Variants in PRMT2 observed in about 807,000 individuals in gnomAD.
PRMT2 encodes the protein protein arginine N-methyltransferase 2.
Under a neutral mutation model 57.6 loss-of-function variants are expected in PRMT2, and 26 were observed. The ratio of observed to expected loss-of-function variants is 0.45; its 90% CI spans 0.33 to 0.63. The LOEUF is 0.63. PRMT2 is among the 20% of genes least tolerant of loss of function. PRMT2 has a pLI of 0.02. For synonymous variants in PRMT2, 219 were observed against 220.0 expected, an observed-to-expected ratio of 1.00 and a Z score of 0.04; for missense variants, 472 against 564.4, an observed-to-expected ratio of 0.84 and a Z score of 1.66.
chr21:46,652,061 TAGG>T (rs2071663460), intron 7 of PRMT2: 8 of 1,604,338 alleles, frequency 5.0e-6, no homozygotes, highest in Non-Finnish European at 6.8e-6. Flanking sequence ...GCGTTTAGCA[TAGG>T]AGGGGCAGCT....
intron 3 of PRMT2, among the ~76,000 whole-genome samples, chr21:46,637,617 C>G (rs1464764523): frequency 2.0e-5 from 3 of 151,734 alleles, no homozygotes; most frequent in Non-Finnish European, 2.9e-5. Context: ...TCGTTAATTT[C>G]TTTAATTATT....
Position 46,648,012 on chromosome 21 carries a change from A to C in PRMT2, c.328-446A>C, listed in dbSNP as rs2061391063. On this transcript the variant is annotated intron_variant, in intron 5 of 11. Coordinates refer to ENST00000355680, the MANE Select transcript of PRMT2 (RefSeq NM_206962.4). The surrounding 1 kb of genome is among the most constrained non-coding windows in gnomAD (Gnocchi z 4.8). Reference sequence around the variant, plus strand: ...TTTTCCTCATTAGCCTTGGGCACTTACTGTTTTGAAACTAATTTTATTATC... The same window carrying C: ...TTTTCCTCATTAGCCTTGGGCACTTCCTGTTTTGAAACTAATTTTATTATC... 6.6e-6 allele frequency among the ~76,000 whole-genome samples: 1 copy of C among 151,664 alleles called. No individual in the cohort carries two copies. The highest frequency in any genetic ancestry group is 6.6e-5 in the Admixed American group (1 of 15,232).
chr21:46,662,685 G>C (rs2061648740), intron 10 of PRMT2, among the ~76,000 whole-genome samples: 1 of 152,148 alleles, frequency 6.6e-6, no homozygotes, highest in African/African-American at 2.4e-5. Context: ...GGAAAAACTG[G>C]AGACCTGAGG....
intron 7 of PRMT2, among the ~76,000 whole-genome samples, chr21:46,656,420 G>GA (rs2061542399): frequency 6.6e-6 from 1 of 152,142 alleles, no homozygotes; most frequent in Admixed American, 6.5e-5. Context: ...TTAAAAGAAG[G>GA]GTAAAGTTGG....
At chr21:46,660,059 A>G (rs1433602253) in intron 8 of PRMT2, 4 of 980,888 alleles carry the variant, frequency 4.1e-6, no homozygotes, top group Non-Finnish European at 4.8e-6. Flanking sequence ...CATAGTTTCC[A>G]ATTTTTAAAT....
intron 3 of PRMT2, among the ~76,000 whole-genome samples, chr21:46,638,000 G>A (rs995240945): frequency 1.3e-5 from 2 of 152,114 alleles, no homozygotes; most frequent in African/African-American, 4.8e-5. Context: ...GATAAAGTTT[G>A]TTCCCCAGTC....
intron 7 of PRMT2, chr21:46,653,314 G>T (rs1452184082): frequency 1.0e-6 from 1 of 985,316 alleles, no homozygotes; most frequent in Non-Finnish European, 1.2e-6. Flanking sequence ...AAACAGGCAC[G>T]TGGCCAGTAA....
chr21:46,646,450 G>A (rs922166835), intron 5 of PRMT2, among the ~76,000 whole-genome samples: 2 of 152,132 alleles, frequency 1.3e-5, no homozygotes, highest in Non-Finnish European at 2.9e-5. Context: ...TGTATTTTAC[G>A]TTTTTAATGT....
At chr21:46,637,716 A>G (rs2839370) in intron 3 of PRMT2, among the ~76,000 whole-genome samples, 10,689 of 152,194 alleles carry the variant, frequency 0.07, 546 homozygotes, top group Non-Finnish European at 0.1. Context: ...TATTGTAAAC[A>G]TCAAGTACAT....
chr21:46,644,611 C>G, intron 5 of PRMT2, 123 bp downstream of exon 5: 1 of 961,830 alleles, frequency 1.0e-6, no homozygotes, highest in Non-Finnish European at 1.5e-6. Context: ...GTTGTAGCCA[C>G]TCAGCTCTGA....
chr21:46,663,736 A>C (rs1036384360), intron 11 of PRMT2, among the ~76,000 whole-genome samples, 182 bp downstream of exon 11: 3 of 151,844 alleles, frequency 2.0e-5, no homozygotes, highest in African/African-American at 7.2e-5. Context: ...ATCTGACAGC[A>C]CGGGAAGTGG....
At chr21:46,636,272 C>T (rs1019761250) in intron 1 of PRMT2, 167 bp from the exon 2 acceptor site, 1 of 152,420 alleles carries the variant, frequency 6.6e-6, no homozygotes, top group Admixed American at 6.5e-5. Context: ...ACTCCGACCC[C>T]GTCCCAGTTT....
chr21:46,635,850 T>G (rs2061158104), intron 1 of PRMT2, 87 bp downstream of exon 1: 1 of 152,316 alleles, frequency 6.6e-6, no homozygotes, highest in African/African-American at 2.4e-5. Context: ...TGCGTGTGCG[T>G]CGCTGGCGGA....
chr21:46,637,768 CAT>C (rs144488266), intron 3 of PRMT2, among the ~76,000 whole-genome samples: 36 of 151,412 alleles, frequency 2.4e-4, no homozygotes, highest in South Asian at 8.3e-4. Context: ...TGTGTATATA[CAT>C]ATATGTGTGT....
chr21:46,659,844 AAG>A (rs1425562635), intron 8 of PRMT2: 1 of 985,348 alleles, frequency 1.0e-6, no homozygotes, highest in Non-Finnish European at 1.2e-6. Context: ...TCTGTTAAAA[AAG>A]AAACCATAGG....
chr21:46,641,572 GTCCC>G (rs2061275287), intron 3 of PRMT2, among the ~76,000 whole-genome samples: 1 of 152,132 alleles, frequency 6.6e-6, no homozygotes, highest in Non-Finnish European at 1.5e-5. Context: ...CACGCCTGTA[GTCCC>G]AGCCTCTCGG....
chr21:46,646,952 G>A (rs1009132485), intron 5 of PRMT2, among the ~76,000 whole-genome samples: 2 of 152,184 alleles, frequency 1.3e-5, no homozygotes, highest in Non-Finnish European at 2.9e-5. Context: ...TGGTGAAGGC[G>A]GGAGGGCTGG....
In PRMT2 at chr21:46,649,613, G is replaced by A. The variant is rs771013073; in HGVS notation, c.528G>A (p.Thr176=). The A allele has an allele frequency of 1.1e-5, 17 of 1,614,010 alleles. No individual in the cohort carries two copies. The highest frequency in any genetic ancestry group is 3.3e-5 in the Admixed American group (2 of 60,008). ...AVEASEMAQH[T]GQLVLQNGFA... is the part of the protein sequence containing the mutation. ...AGGCCAGTGAGATGGCACAGCACAC[G>A]GGGCAGCTGGTCCTGCAGAACGGCT... Residue 176 remains threonine (T), a synonymous_variant, in exon 7 of 12, where the codon ACG becomes ACA. Transcript: ENST00000355680. This position sits in a 1 kb window ranked among gnomAD's most constrained non-coding sequence, Gnocchi z 4.8.
At chr21:46,653,558 G>T in intron 7 of PRMT2, 7 of 1,036,266 alleles carry the variant, frequency 6.8e-6, no homozygotes, top group Non-Finnish European at 8.1e-6. Context: ...CACAACCAAG[G>T]CCGCCTGGCT....
Sources: allele counts gnomAD v4.1 joint callset (sites outside exome capture counted in the v4.1 genomes callset), GRCh38; gene constraint gnomAD v4.1.1; non-coding constraint Gnocchi (gnomAD v3.1); transcripts MANE v1.5; gene names NCBI Gene and HGNC (gene_info 2026-07-23, HGNC 2026-07-21).